Variants in MTERF4 observed in about 807,000 individuals in gnomAD.
MTERF4 encodes the protein mitochondrial transcription termination factor 4.
MTERF4 carries 17 observed loss-of-function variants against 22.5 expected under a neutral mutation model. The ratio of observed to expected loss-of-function variants is 0.75; its 90% CI spans 0.52 to 1.13. MTERF4 has a LOEUF of 1.13. MTERF4 is among the 50% of genes most tolerant of loss of function. The pLI, the probability that MTERF4 is intolerant of heterozygous loss-of-function variation, is 0.00. For missense variants in MTERF4, 420 were observed against 466.8 expected (o/e 0.90, Z 0.92); for synonymous variants, 165 against 175.3 (o/e 0.94, Z 0.47).
At chr2:241,065,630 C>T in the MTERF4 span, 8 of 1,592,300 alleles carry the variant, frequency 5.0e-6, no homozygotes, top group Non-Finnish European at 6.9e-6. Context: ...CCCTGCCCAG[C>T]CCCTGCCCCT....
downstream of MTERF4, chr2:241,089,339 A>G (rs1360222192): frequency 1.9e-6 from 3 of 1,550,700 alleles, no homozygotes; most frequent in East Asian, 4.9e-5. Flanking sequence ...AAGCCACTTC[A>G]AAACAGGTCT....
downstream of MTERF4, among the ~76,000 whole-genome samples, chr2:241,067,458 C>T (rs1183929871): frequency 1.3e-5 from 2 of 152,186 alleles, no homozygotes; most frequent in African/African-American, 4.8e-5. Flanking sequence ...GGACTCCGGC[C>T]CATCCCCTGC....
the MTERF4 span, chr2:241,063,820 G>A: frequency 9.4e-6 from 8 of 849,342 alleles, no homozygotes; most frequent in Non-Finnish European, 1.1e-5. Flanking sequence ...GGACCCCCAG[G>A]GCTGCGGCCA....
In MTERF4 at chr2:241,077,264, C is replaced by T. The variant is rs553164555; in HGVS notation, n.480-1582G>A. Among the ~76,000 whole-genome samples, 176 of 152,236 alleles carry T rather than the reference C, an allele frequency of 1.2e-3. 1 individual carries two copies. Among genetic ancestry groups the T allele is most frequent in the African/African-American group, 3.8e-3 (158 of 41,550 alleles). ...CCCTCGTACCATATACCTCATAACA[C>T]AAATTACCACAAATTGACCAACAAC... On this transcript the variant is annotated intron_variant and non_coding_transcript_variant, in intron 4 of 4. Transcript: ENST00000464344.
At chr2:241,047,147 A>C in the MTERF4 span, among the ~76,000 whole-genome samples, 2 of 70,652 alleles carry the variant, frequency 2.8e-5, no homozygotes, top group African/African-American at 1.3e-4. Context: ...AGACTCTGTC[A>C]AAAAAAAAAA....
downstream of MTERF4, chr2:241,091,669 C>A (rs898217410): frequency 1.3e-5 from 2 of 152,240 alleles, no homozygotes; most frequent in African/African-American, 4.8e-5. This position sits in a 1 kb window ranked among gnomAD's most constrained non-coding sequence, Gnocchi z 4.1. Flanking sequence ...ACTCCACCAA[C>A]CTCACGAGTT....
chr2:241,062,811 C>G, the MTERF4 span: 1 of 1,611,060 alleles, frequency 6.2e-7, no homozygotes, highest in South Asian at 1.1e-5. Flanking sequence ...GTGCCGGTCT[C>G]AGCCGTGCCT....
the MTERF4 span, among the ~76,000 whole-genome samples, chr2:241,058,784 A>G: frequency 5.4e-3 from 827 of 152,248 alleles, 6 homozygotes; most frequent in African/African-American, 0.012. Context: ...CCCCGTCTCT[A>G]CTAAAAATAC....
the MTERF4 span, among the ~76,000 whole-genome samples, chr2:241,049,299 G>T: frequency 1.3e-5 from 2 of 152,200 alleles, no homozygotes; most frequent in Non-Finnish European, 2.9e-5. Flanking sequence ...TGTAATATGG[G>T]GCTAGACATC....
In MTERF4 at chr2:241,102,245, G is replaced by A. The variant is rs907082673; in HGVS notation, c.21+8C>T. ...CCGGAGAAGCCCGCGCGCCCAGCTCGAGCTTACCTGACGGCCGAACGCAGC... is the reference window on the plus strand; with the variant it reads ...CCGGAGAAGCCCGCGCGCCCAGCTCAAGCTTACCTGACGGCCGAACGCAGC... On this transcript the variant is annotated splice_region_variant and intron_variant, in intron 1 of 3. Coordinates refer to ENST00000391980, the MANE Select transcript of MTERF4 (RefSeq NM_182501.4). 1.9e-6 allele frequency: 3 copies of A among 1,549,298 alleles called. No individual in the cohort carries two copies. Among genetic ancestry groups the A allele is most frequent in the Non-Finnish European group, 2.6e-6 (3 of 1,146,098 alleles).
chr2:241,072,177 A>G (rs942607682), exon 5 of MTERF4: 89 of 636,456 alleles, frequency 1.4e-4, no homozygotes, highest in Non-Finnish European at 2.2e-4. Context: ...CTGAGACATT[A>G]CAGCAGCTTT....
the MTERF4 span, chr2:241,048,275 T>C: frequency 6.4e-7 from 1 of 1,556,520 alleles, no homozygotes; most frequent in Non-Finnish European, 8.7e-7. Flanking sequence ...TCTCCCCACA[T>C]TCCCTGCGTG....
At chr2:241,071,268 C>A (rs909893099), downstream of MTERF4, 5 of 465,498 alleles carry the variant, frequency 1.1e-5, no homozygotes, top group African/African-American at 9.7e-5. Flanking sequence ...GAGTGCCCAG[C>A]CCCTTGAGAA....
downstream of MTERF4, chr2:241,068,889 C>T (rs2062582602): frequency 6.6e-7 from 1 of 1,507,472 alleles, no homozygotes; most frequent in Middle Eastern, 1.7e-4. This position sits in a 1 kb window ranked among gnomAD's most constrained non-coding sequence, Gnocchi z 5.3. Context: ...CCTGTTCTCT[C>T]TTTGTCACCT....
chr2:241,097,267 C>A lies in MTERF4; in HGVS notation c.681G>T (p.Leu227=), dbSNP rs1454719609. ...CCTGAAACTTGTATTCCAGTTGACC[C>A]AGGTCCTCTCGAAGAACAGAGGGGC... ...HSCPSVLRED[L]GQLEYKFQYA... The change falls in exon 3 of 4, where the codon CTG becomes CTT. Residue 227 remains leucine (L), a synonymous_variant. Transcript: ENST00000391980. 6.2e-7 allele frequency: 1 copy of A among 1,614,078 alleles called. No homozygotes were observed. Among genetic ancestry groups the A allele is most frequent in the South Asian group, 1.1e-5 (1 of 91,030 alleles).
the MTERF4 span, chr2:241,064,053 C>T: frequency 4.5e-6 from 7 of 1,565,794 alleles, no homozygotes; most frequent in Middle Eastern, 1.7e-4. The surrounding 1 kb of genome is among the most constrained non-coding windows in gnomAD (Gnocchi z 7.0). Flanking sequence ...GCATGGAGGC[C>T]GGTGTGAGAG....
chr2:241,065,714 A>C, the MTERF4 span: 1 of 884,274 alleles, frequency 1.1e-6, no homozygotes, highest in Non-Finnish European at 1.7e-6. Context: ...TGCAGCAGCA[A>C]GACAGACAGC....
downstream of MTERF4, chr2:241,088,549 C>A (rs1001379056): frequency 2.9e-6 from 2 of 681,388 alleles, no homozygotes; most frequent in Non-Finnish European, 5.1e-6. Context: ...GTTACAGACT[C>A]CCGGGCAGGA....
At position 241,095,651 on chromosome 2, in the gene MTERF4, C is replaced by T. The variant is rs551392206; in HGVS notation, c.*347G>A. 5 of 240,666 alleles carry T rather than the reference C, an allele frequency of 2.1e-5. No homozygotes were observed. In the South Asian group the frequency reaches 4.5e-4, roughly 22 times the overall value. The allele number at this position is 240,666 out of a possible 1,614,324, so 14.9% of individuals were successfully genotyped here. A position where few individuals can be genotyped will look rare whatever the true frequency, so the allele number is the denominator to read the frequency against. On this transcript the variant is annotated 3_prime_UTR_variant, in exon 4 of 4. Coordinates refer to ENST00000391980, the MANE Select transcript of MTERF4 (RefSeq NM_182501.4). ...AACCGGAAGAATGAACCCCATCTTCCAACTGTCACGGAATTATCACCAACA... is the reference window on the plus strand; with the variant it reads ...AACCGGAAGAATGAACCCCATCTTCTAACTGTCACGGAATTATCACCAACA...
Sources: allele counts gnomAD v4.1 joint callset (sites outside exome capture counted in the v4.1 genomes callset), GRCh38; gene constraint gnomAD v4.1.1; non-coding constraint Gnocchi (gnomAD v3.1); transcripts MANE v1.5; gene names NCBI Gene and HGNC (gene_info 2026-07-23, HGNC 2026-07-21).